Variants in PPFIA1 observed in about 807,000 individuals in gnomAD.
PPFIA1 encodes the protein liprin-alpha-1.
In PPFIA1, 25 loss-of-function variants were observed where a neutral mutation model predicts 149.9. The observed-to-expected ratio is 0.17, with a 90% confidence interval of 0.12 to 0.23. PPFIA1 has a LOEUF of 0.23. Among genes scored for constraint, PPFIA1 ranks in the 10% least tolerant of loss-of-function variants. PPFIA1 has a pLI of 1.00. For missense variants in PPFIA1, 1,362 were observed against 1,506.5 expected (o/e 0.90, Z 1.59); for synonymous variants, 549 against 552.8 (o/e 0.99, Z 0.10).
Position 70,355,679 on chromosome 11 carries a change from A to G in PPFIA1, c.2356A>G (p.Ser786Gly), listed in dbSNP as rs1408883929. 6.2e-7 allele frequency: 1 copy of G among 1,613,878 alleles called. No homozygotes were observed. The highest frequency in any genetic ancestry group is 8.5e-7 in the Non-Finnish European group (1 of 1,179,934). The change falls in exon 18 of 28, where the codon AGT becomes GGT. Residue 786 changes from serine (S) to glycine (G), a missense_variant. Physicochemically the swap from Ser to Gly is moderately conservative, Grantham distance 56. Around this residue, in one of 7 missense-constraint regions of PPFIA1, gnomAD observed 733 missense variants for 744.1 expected, o/e 0.99. Coordinates refer to ENST00000253925, the MANE Select transcript of PPFIA1 (RefSeq NM_003626.5). Reference sequence around the variant, plus strand: ...GGATGGTCCCGTGAGCAACCCCAGCAGTAGCAACAGTAGCCAGGACTCGCT... The same window carrying G: ...GGATGGTCCCGTGAGCAACCCCAGCGGTAGCAACAGTAGCCAGGACTCGCT... ...SQDGPVSNPS[S>G]SNSSQDSLHK...
intron 8 of PPFIA1, among the ~76,000 whole-genome samples, chr11:70,331,441 T>C (rs1361682301): frequency 6.6e-6 from 1 of 151,922 alleles, no homozygotes; most frequent in Non-Finnish European, 1.5e-5. Context: ...TTTTGCACAT[T>C]GAAACCAAGA....
rs746224320 is a variant in PPFIA1 at position 70,362,426 on chromosome 11, A to C, written c.2803A>C (p.Arg935=). The C allele has an allele frequency of 1.2e-6, 2 of 1,614,178 alleles. No individual in the cohort carries two copies. The highest frequency in any genetic ancestry group is 3.3e-5 in the Admixed American group (2 of 60,024). The change falls in exon 21 of 28, where the codon AGG becomes CGG. Residue 935 remains arginine, a synonymous_variant. Coordinates refer to ENST00000253925, the MANE Select transcript of PPFIA1 (RefSeq NM_003626.5). Reference sequence around the variant, plus strand: ...CAACCCCCTGCACAGGCTGAAGCTGAGGCTGGCCATCCAGGAGATCATGTC... The same window carrying C: ...CAACCCCCTGCACAGGCTGAAGCTGCGGCTGGCCATCCAGGAGATCATGTC... ...ISNPLHRLKL[R]LAIQEIMSLT...
Position 70,355,699 on chromosome 11 carries a change from C to T in PPFIA1, c.2376C>T (p.Asp792=). 1 of 1,614,190 alleles carries T rather than the reference C, an allele frequency of 6.2e-7. No individual in the cohort carries two copies. The highest frequency in any genetic ancestry group is 2.2e-5 in the East Asian group (1 of 44,886). Residue 792 remains aspartate, a synonymous_variant, in exon 18 of 28, where the codon GAC becomes GAT. Coordinates refer to ENST00000253925, the MANE Select transcript of PPFIA1 (RefSeq NM_003626.5). The part of the protein sequence containing the change: ...SNPSSSNSSQ[D]SLHKAPKKKG... ...CCAGCAGTAGCAACAGTAGCCAGGACTCGCTCCACAAAGCCCCAAAGAAGA... is the reference window on the plus strand; with the variant it reads ...CCAGCAGTAGCAACAGTAGCCAGGATTCGCTCCACAAAGCCCCAAAGAAGA...
In PPFIA1 at chr11:70,378,132, A is replaced by G. The variant is rs1377819323; in HGVS notation, c.3487A>G (p.Asn1163Asp). Residue 1163 changes from asparagine to aspartate, a missense_variant, in exon 26 of 28, where the codon AAC (asparagine) becomes GAC (aspartate). Transcript: ENST00000253925. ...AAGSAETLPA[N>D]FRVTSSMSSP... is the part of the protein sequence containing the mutation. ...TGGGTCAGCAGAGACTCTCCCTGCA[A>G]ACTTCCGGGTGACTTCTTCTATGTC... is the stretch of plus-strand genomic sequence containing the variant. The G allele has an allele frequency of 6.2e-7, 1 of 1,614,180 alleles. No individual in the cohort carries two copies. Among genetic ancestry groups the G allele is most frequent in the South Asian group, 1.1e-5 (1 of 91,084 alleles).
intron 15 of PPFIA1, among the ~76,000 whole-genome samples, chr11:70,347,823 G>GA (rs1429278674): frequency 6.6e-6 from 1 of 152,018 alleles, no homozygotes; most frequent in Non-Finnish European, 1.5e-5. Context: ...CCAACATGGT[G>GA]AAACCCCGTG....
rs1221029547 is a variant in PPFIA1, at chr11:70,384,325, T to C, written c.*1335T>C. ...GTAACAAAGTATGTACAGTCTACTT[T>C]TGAACTATTTTTATCACAGTATTAT... On this transcript the variant is annotated 3_prime_UTR_variant, in exon 28 of 28. Transcript: ENST00000253925. 2 of 152,682 alleles carry C rather than the reference T, an allele frequency of 1.3e-5. No homozygotes were observed. Among genetic ancestry groups the C allele is most frequent in the Admixed American group, 1.3e-4 (2 of 15,290 alleles). The allele number at this position is 152,682 out of a possible 1,614,324, so 9.5% of individuals were successfully genotyped here.
rs935843879 is a variant in PPFIA1, at chr11:70,357,850, G to A, written c.2582+1596G>A. 2.0e-5 allele frequency among the ~76,000 whole-genome samples: 3 copies of A among 152,274 alleles called. No homozygotes were observed. The East Asian group carries it at 5.8e-4, about 29-fold the overall frequency. ...GATCTGCCCGCCTCAGCCTCCCAAA[G>A]TGCTGGGATTACAGGCGTGAGCCAC... On this transcript the variant is annotated intron_variant, in intron 19 of 27. Coordinates refer to ENST00000253925, the MANE Select transcript of PPFIA1 (RefSeq NM_003626.5).
At chr11:70,306,084 T>C (rs1417409728) in intron 2 of PPFIA1, among the ~76,000 whole-genome samples, 2 of 152,252 alleles carry the variant, frequency 1.3e-5, no homozygotes, top group African/African-American at 4.8e-5. Flanking sequence ...ACTGTGGGAC[T>C]AGAAAAATGG....
chr11:70,382,332 A>C (rs576450327), intron 27 of PPFIA1, among the ~76,000 whole-genome samples, 174 bp downstream of exon 27: 2 of 152,154 alleles, frequency 1.3e-5, no homozygotes, highest in Non-Finnish European at 2.9e-5. Context: ...TTGTTGTTAC[A>C]ATTGATCATA....
chr11:70,340,529 CTG>C, intron 14 of PPFIA1, among the ~76,000 whole-genome samples: 1 of 152,300 alleles, frequency 6.6e-6, no homozygotes, highest in African/African-American at 2.4e-5. Context: ...TTTCTTTGGT[CTG>C]TTCAGCAGCA....
In PPFIA1 at chr11:70,356,161, C is replaced by A. The variant is rs751832580; in HGVS notation, c.2489C>A (p.Ala830Asp). Residue 830 changes from alanine (A) to aspartate (D), a missense_variant and splice_region_variant, in exon 19 of 28, where the codon GCT becomes GAT. Ala to Asp is a moderately radical substitution (Grantham distance 126, BLOSUM62 -2). Around this residue, in one of 7 missense-constraint regions of PPFIA1, gnomAD observed 91 missense variants for 91.2 expected, o/e 1.00. Coordinates refer to ENST00000253925, the MANE Select transcript of PPFIA1 (RefSeq NM_003626.5). ...TCTGGGCTGTTCTGCTTCCTCACAG[C>A]TGGTGTTTCCGAGACGGATAACTCA... ...GQTGKEALGQ[A>D]GVSETDNSSQ... 7 of 1,613,192 alleles carry A rather than the reference C, an allele frequency of 4.3e-6. No individual in the cohort carries two copies. Among genetic ancestry groups the A allele is most frequent in the Non-Finnish European group, 5.9e-6 (7 of 1,179,336 alleles).
chr11:70,352,921 T>C (rs567338315), intron 16 of PPFIA1, among the ~76,000 whole-genome samples: 42 of 152,300 alleles, frequency 2.8e-4, no homozygotes, highest in Middle Eastern at 3.4e-3. Context: ...CGTGTCAGCT[T>C]TCTCTGTACT....
At chr11:70,320,560 A>G (rs746922556) in intron 2 of PPFIA1, among the ~76,000 whole-genome samples, 4 of 148,928 alleles carry the variant, frequency 2.7e-5, no homozygotes, top group African/African-American at 5.0e-5. Flanking sequence ...AGCCGGGTCT[A>G]TGCTACTGGG....
intron 7 of PPFIA1, chr11:70,327,690 G>T (rs964738568): frequency 6.6e-6 from 1 of 152,274 alleles, no homozygotes; most frequent in Admixed American, 6.5e-5. Flanking sequence ...GGAGAATGGC[G>T]TGAGCCCAGG....
intron 24 of PPFIA1, among the ~76,000 whole-genome samples, chr11:70,375,885 G>A (rs1350158370): frequency 6.6e-6 from 1 of 152,042 alleles, no homozygotes; most frequent in Non-Finnish European, 1.5e-5. Flanking sequence ...TGACTCCAAG[G>A]ATCATGGATC....
At chr11:70,292,645 T>C (rs943323674) in intron 2 of PPFIA1, among the ~76,000 whole-genome samples, 2 of 152,218 alleles carry the variant, frequency 1.3e-5, no homozygotes, top group Non-Finnish European at 2.9e-5. Flanking sequence ...TGAATGTTTA[T>C]TGCCTCTAAG....
chr11:70,343,428 G>A (rs538026270), intron 14 of PPFIA1, among the ~76,000 whole-genome samples: 1 of 152,082 alleles, frequency 6.6e-6, no homozygotes, highest in African/African-American at 2.4e-5. Context: ...TGTGTATTTC[G>A]CCATGGAAAT....
At chr11:70,312,494 G>T (rs920299070) in intron 2 of PPFIA1, among the ~76,000 whole-genome samples, 1 of 152,084 alleles carries the variant, frequency 6.6e-6, no homozygotes, top group African/African-American at 2.4e-5. Context: ...CCTAGCTAGC[G>T]AATTAGCATT....
rs182346068 is a variant in PPFIA1, at chr11:70,376,689, A to T, written c.3384+89A>T. On this transcript the variant is annotated intron_variant, in intron 25 of 27. Transcript: ENST00000253925. ...AAATGTAAGCTGTTATTATTATTAT[A>T]CTTGGGACATCATGTAGCTAGGCAG... is the stretch of plus-strand genomic sequence containing the variant. 248 of 1,120,240 alleles carry T rather than the reference A, an allele frequency of 2.2e-4. 1 individual carries two copies. In the East Asian group the frequency reaches 4.2e-3, roughly 19 times the overall value. 69.4% of individuals were successfully genotyped at this position (1,120,240 alleles called of 1,614,324 possible). A position where few individuals can be genotyped will look rare whatever the true frequency, so the allele number is the denominator to read the frequency against.
Sources: gnomAD v4.1 joint callset for allele counts (sites outside exome capture counted in the v4.1 genomes callset) on GRCh38, gnomAD v4.1.1 for gene constraint, gnomAD v4.1.1 regional missense constraint, MANE v1.5 for transcripts, NCBI Gene and HGNC (gene_info 2026-07-23, HGNC 2026-07-21) for gene names.